Variants in KALRN observed in about 807,000 individuals in gnomAD.
KALRN encodes the protein kalirin.
In KALRN, 70 loss-of-function variants were observed where a neutral mutation model predicts 353.7. The observed-to-expected ratio is 0.20, with a 90% CI of 0.16 to 0.24. The LOEUF is 0.24. Among genes scored for constraint, KALRN ranks in the 10% least tolerant of loss-of-function variants. The pLI is 1.00. For synonymous variants in KALRN, 1,391 were observed against 1,434.8 expected (o/e 0.97, Z 0.69); for missense variants, 2,791 against 3,756.7 (o/e 0.74, Z 6.72).
chr3:124,203,556 A>G (rs1008546766), intron 1 of KALRN, among the ~76,000 whole-genome samples: 2 of 152,196 alleles, frequency 1.3e-5, no homozygotes, highest in South Asian at 4.1e-4. Context: ...GGAGGGACCC[A>G]GGCAGCAGCT....
At position 124,667,074 on chromosome 3, in the gene KALRN, C is replaced by G; in HGVS notation, c.6594C>G (p.Asn2198Lys). The G allele has an allele frequency of 6.2e-7, 1 of 1,614,160 alleles. No individual in the cohort carries two copies. The highest frequency in any genetic ancestry group is 8.5e-7 in the Non-Finnish European group (1 of 1,180,018). Residue 2198 changes from asparagine (N) to lysine (K), a missense_variant, in exon 47 of 60, where the codon AAC becomes AAG. This residue lies in a region of KALRN where 1,065 missense variants were observed against 1,156.4 expected (regional missense o/e 0.92). Transcript: ENST00000682506. Reference protein sequence around the residue: ...DNDPCKFALMNRETSERVVLQ... With the variant: ...DNDPCKFALMKRETSERVVLQ... ...ATCCCTGCAAGTTTGCACTCATGAACAGAGAGACTTCTGAGAGGGTTGTTC... is the reference window on the plus strand; with the variant it reads ...ATCCCTGCAAGTTTGCACTCATGAAGAGAGAGACTTCTGAGAGGGTTGTTC...
At chr3:124,495,984 T>C (rs1252609457) in intron 32 of KALRN, among the ~76,000 whole-genome samples, 16 of 46,988 alleles carry the variant, frequency 3.4e-4, no homozygotes, top group Non-Finnish European at 5.8e-4. Flanking sequence ...TATATATATA[T>C]ATATATATAT....
At chr3:124,050,642 A>G (rs2040940378) in intron 1 of KALRN, among the ~76,000 whole-genome samples, 2 of 152,080 alleles carry the variant, frequency 1.3e-5, no homozygotes, top group Non-Finnish European at 2.9e-5. Flanking sequence ...TCCGATCTAG[A>G]CTGAATTTTT....
rs1256842848 is a variant in KALRN, at chr3:124,563,085, G to A, written c.5178G>A (p.Val1726=). The change falls in exon 34 of 60, where the codon GTG becomes GTA. Residue 1726 remains valine, a synonymous_variant. Transcript: ENST00000682506. ...AGATGGACTGCTTCTTCCCCTTGGTGAAAGGTAGGAGAACAGAGCGGGTGG... is the reference window on the plus strand; with the variant it reads ...AGATGGACTGCTTCTTCCCCTTGGTAAAAGGTAGGAGAACAGAGCGGGTGG... ...SVEMDCFFPL[V]KDAYSHSSSE... The A allele has an allele frequency of 2.2e-6, 3 of 1,367,416 alleles. No homozygotes were observed. Among genetic ancestry groups the A allele is most frequent in the South Asian group, 2.3e-5 (2 of 88,002 alleles). 84.7% of individuals were successfully genotyped at this position (1,367,416 alleles called of 1,614,324 possible).
chr3:124,590,007 C>T (rs1171100985), intron 34 of KALRN, among the ~76,000 whole-genome samples: 5 of 152,046 alleles, frequency 3.3e-5, no homozygotes, highest in African/African-American at 1.2e-4. Context: ...CTATTTCTAT[C>T]TTTCTTTTTT....
intron 12 of KALRN, among the ~76,000 whole-genome samples, chr3:124,398,320 G>A (rs948770960): frequency 2.6e-5 from 4 of 152,186 alleles, no homozygotes; most frequent in African/African-American, 7.2e-5. Flanking sequence ...AGATTTATGT[G>A]TGTGTGTGTT....
At chr3:124,346,238 A>G (rs1464475365) in intron 9 of KALRN, among the ~76,000 whole-genome samples, 1 of 152,216 alleles carries the variant, frequency 6.6e-6, no homozygotes, top group African/African-American at 2.4e-5. Context: ...CAAAATGGGT[A>G]TTAAAGGCTT....
At position 124,458,069 on chromosome 3, in the gene KALRN, AG is replaced by A. The variant is rs2059498428; in HGVS notation, c.3854+1342del. 3.3e-5 allele frequency among the ~76,000 whole-genome samples: 5 copies of A among 152,158 alleles called. No individual in the cohort carries two copies. In the South Asian group the frequency reaches 1.0e-3, roughly 32 times the overall value. On this transcript the variant is annotated intron_variant, in intron 23 of 59. Coordinates refer to ENST00000682506, the MANE Select transcript of KALRN (RefSeq NM_001388419.1). ...GGCGGTTGGATTACCTGAGGTCAGGAGTTCGAGACCGGCCTGGCCAACATGG... is the reference window on the plus strand; with the variant it reads ...GGCGGTTGGATTACCTGAGGTCAGGATTCGAGACCGGCCTGGCCAACATGG...
At chr3:124,221,157 C>T (rs1206350233) in intron 1 of KALRN, among the ~76,000 whole-genome samples, 1 of 152,364 alleles carries the variant, frequency 6.6e-6, no homozygotes, top group African/African-American at 2.4e-5. Context: ...CTCTGCTTTT[C>T]TGTTCATTGA....
chr3:124,630,557 C>T (rs2080655416), intron 34 of KALRN, among the ~76,000 whole-genome samples: 1 of 152,146 alleles, frequency 6.6e-6, no homozygotes, highest in African/African-American at 2.4e-5. Flanking sequence ...GCACCACACC[C>T]GGCTCCAGTA....
intron 25 of KALRN, 133 bp from the exon 26 acceptor site, chr3:124,474,530 C>T (rs1311390462): frequency 1.5e-6 from 1 of 678,864 alleles, no homozygotes; most frequent in South Asian, 1.7e-5. Context: ...CTGCACCTCA[C>T]CATCTATCAC....
chr3:124,688,449 T>C (rs1300572479), intron 51 of KALRN, among the ~76,000 whole-genome samples: 1 of 152,238 alleles, frequency 6.6e-6, no homozygotes, highest in Non-Finnish European at 1.5e-5. Context: ...AAAAATTGTT[T>C]TTCTTATATC....
chr3:124,209,832 T>C (rs895066), intron 1 of KALRN, among the ~76,000 whole-genome samples: 139,488 of 152,282 alleles, frequency 0.92, 65,090 homozygotes, highest in East Asian at 1. Context: ...AGTTTCCTTG[T>C]CTATAAAGTA....
intron 51 of KALRN, among the ~76,000 whole-genome samples, chr3:124,680,128 G>A (rs2087621119): frequency 6.6e-6 from 1 of 152,240 alleles, no homozygotes; most frequent in African/African-American, 2.4e-5. Flanking sequence ...AGCAGTGGCT[G>A]TGCCCACCGT....
intron 1 of KALRN, among the ~76,000 whole-genome samples, chr3:124,140,653 T>A (rs1398867370): frequency 6.6e-6 from 1 of 152,144 alleles, no homozygotes. Context: ...GGGAAGTGGC[T>A]TCACCCTGTT....
In KALRN at chr3:124,719,170, G is replaced by A; in HGVS notation, c.8661G>A (p.Glu2887=). ...VSPFLDESKE[E]TCINVCRVDF... is the part of the protein sequence containing the mutation. ...CCTTCTTGGATGAGAGCAAAGAGGA[G>A]ACATGTATCAACGTATGCAGGGTGG... The change falls in exon 60 of 60, where the codon GAG becomes GAA. Residue 2887 remains glutamate, a synonymous_variant. Transcript: ENST00000682506. The surrounding 1 kb of genome is among the most constrained non-coding windows in gnomAD (Gnocchi z 5.3). 4 of 1,614,268 alleles carry A rather than the reference G, an allele frequency of 2.5e-6. No homozygotes were observed. Among genetic ancestry groups the A allele is most frequent in the Non-Finnish European group, 3.4e-6 (4 of 1,180,056 alleles).
chr3:124,545,432 G>T (rs1259770084), intron 33 of KALRN, among the ~76,000 whole-genome samples: 1 of 152,170 alleles, frequency 6.6e-6, no homozygotes, highest in Non-Finnish European at 1.5e-5. Context: ...TCCCTGATGT[G>T]TAGGGTATTT....
intron 1 of KALRN, among the ~76,000 whole-genome samples, chr3:124,107,754 TG>T (rs1191724051): frequency 6.6e-6 from 1 of 151,996 alleles, no homozygotes; most frequent in Non-Finnish European, 1.5e-5. Flanking sequence ...CCAACAGATG[TG>T]GGGTGCTGGG....
At chr3:124,242,309 G>A (rs908857594) in intron 3 of KALRN, among the ~76,000 whole-genome samples, 1 of 152,214 alleles carries the variant, frequency 6.6e-6, no homozygotes, top group Non-Finnish European at 1.5e-5. Flanking sequence ...ACAACACTTT[G>A]AGAGGGGAAT....
Sources: allele counts gnomAD v4.1 joint callset (sites outside exome capture counted in the v4.1 genomes callset), GRCh38; gene constraint gnomAD v4.1.1; regional missense constraint gnomAD v4.1.1; non-coding constraint Gnocchi (gnomAD v3.1); transcripts MANE v1.5; gene names NCBI Gene and HGNC (gene_info 2026-07-23, HGNC 2026-07-21).